The following NAALADL2 variants were observed in gnomAD, a reference collection of about 807,000 sequenced individuals.
The protein encoded by NAALADL2 is N-acetylated alpha-linked acidic dipeptidase like 2, also known as inactive N-acetylated-alpha-linked acidic dipeptidase-like protein 2.
A neutral mutation model predicts 87.2 loss-of-function variants in NAALADL2; 76 were observed. The observed-to-expected ratio is 0.87, with a 90% CI of 0.72 to 1.05. NAALADL2 has a LOEUF of 1.05. Among genes scored for constraint, NAALADL2 ranks in the 50% least tolerant of loss-of-function variants. The pLI is 0.00. For missense variants in NAALADL2, 1,089 were observed against 945.8 expected, an observed-to-expected ratio of 1.15 and a Z score of -1.99; for synonymous variants, 354 against 331.0, an observed-to-expected ratio of 1.07 and a Z score of -0.75.
intron 4 of NAALADL2, among the ~76,000 whole-genome samples, chr3:175,298,449 T>C (rs1275468067): frequency 6.6e-6 from 1 of 152,138 alleles, no homozygotes; most frequent in East Asian, 1.9e-4. Flanking sequence ...AAAGTAATAA[T>C]AACTTTCTTT....
intron 4 of NAALADL2, among the ~76,000 whole-genome samples, chr3:175,292,414 G>A (rs1350828392): frequency 6.6e-6 from 1 of 152,076 alleles, no homozygotes; most frequent in African/African-American, 2.4e-5. Context: ...TAGAAACTTG[G>A]TATGTTTGTG....
At chr3:175,435,851 C>CTTTT (rs35378819) in intron 5 of NAALADL2, among the ~76,000 whole-genome samples, 1 of 144,836 alleles carries the variant, frequency 6.9e-6, no homozygotes, top group African/African-American at 2.5e-5. Flanking sequence ...CTGTGTAGTA[C>CTTTT]TTTTTTTTTT....
At chr3:174,992,881 G>T (rs1746926767) in intron 1 of NAALADL2, among the ~76,000 whole-genome samples, 1 of 151,984 alleles carries the variant, frequency 6.6e-6, no homozygotes, top group South Asian at 2.1e-4. Flanking sequence ...GAATAACAGT[G>T]TTTTTTTAGA....
At chr3:175,648,846 G>C (rs1191795536) in intron 11 of NAALADL2, among the ~76,000 whole-genome samples, 1 of 152,088 alleles carries the variant, frequency 6.6e-6, no homozygotes, top group African/African-American at 2.4e-5. Flanking sequence ...TTTTCTATAA[G>C]AAGAAACAAA....
intron 2 of NAALADL2, among the ~76,000 whole-genome samples, chr3:175,140,139 C>T (rs551783926): frequency 6.6e-6 from 1 of 151,994 alleles, no homozygotes; most frequent in Non-Finnish European, 1.5e-5. Context: ...TGACTAAAGC[C>T]CTCCGTGCCT....
At chr3:175,174,823 TAC>T (rs971157136) in intron 2 of NAALADL2, among the ~76,000 whole-genome samples, 7 of 110,144 alleles carry the variant, frequency 6.4e-5, no homozygotes, top group Admixed American at 1.0e-4. Flanking sequence ...TATATATGTA[TAC>T]ACACACACAT....
At chr3:174,850,894 T>G (rs1432686356) in intron 3 of NAALADL2, among the ~76,000 whole-genome samples, 1 of 152,070 alleles carries the variant, frequency 6.6e-6, no homozygotes, top group African/African-American at 2.4e-5. Context: ...AAAAAAACAC[T>G]GAAATTATAT....
At chr3:174,942,258 T>C (rs1738721431) in intron 1 of NAALADL2, among the ~76,000 whole-genome samples, 1 of 152,180 alleles carries the variant, frequency 6.6e-6, no homozygotes, top group African/African-American at 2.4e-5. Flanking sequence ...TTTGCTTACC[T>C]GAAAAAAGAT....
intron 3 of NAALADL2, among the ~76,000 whole-genome samples, chr3:174,759,135 C>T (rs1325825431): frequency 5.9e-5 from 9 of 152,108 alleles, no homozygotes; most frequent in African/African-American, 2.2e-4. Context: ...TGCATTTATG[C>T]TACCAAAATT....
At chr3:175,652,768 G>GA (rs1484836172) in intron 11 of NAALADL2, among the ~76,000 whole-genome samples, 1 of 152,066 alleles carries the variant, frequency 6.6e-6, no homozygotes, top group African/African-American at 2.4e-5. Context: ...TTTTCAAAGT[G>GA]AAAATAAGAA....
chr3:175,378,366 G>A (rs545301150), intron 5 of NAALADL2, among the ~76,000 whole-genome samples: 1 of 152,348 alleles, frequency 6.6e-6, no homozygotes, highest in East Asian at 1.9e-4. Context: ...GAGTAAACTA[G>A]GCACCCTCTT....
chr3:175,270,142 TC>T (rs1157731197), intron 4 of NAALADL2, among the ~76,000 whole-genome samples: 2 of 152,180 alleles, frequency 1.3e-5, no homozygotes, highest in African/African-American at 4.8e-5. Flanking sequence ...CTTATTTGCT[TC>T]CCCCATGGGA....
chr3:175,545,630 T>C (rs974753668), intron 9 of NAALADL2, among the ~76,000 whole-genome samples: 5 of 152,144 alleles, frequency 3.3e-5, no homozygotes, highest in Non-Finnish European at 7.4e-5. Flanking sequence ...GTTAAATATT[T>C]ATTATCATGC....
intron 1 of NAALADL2, among the ~76,000 whole-genome samples, chr3:174,887,841 T>C (rs1440732510): frequency 3.3e-5 from 5 of 151,644 alleles, no homozygotes; most frequent in Non-Finnish European, 7.4e-5. Context: ...TTTTTACATG[T>C]GGATATAGTG....
intron 10 of NAALADL2, among the ~76,000 whole-genome samples, chr3:175,592,956 C>A (rs1582543701): frequency 6.6e-6 from 1 of 151,986 alleles, no homozygotes; most frequent in Non-Finnish European, 1.5e-5. Flanking sequence ...TAATTTCCTT[C>A]ATTTAACACC....
chr3:175,727,493 G>T (rs199789947), intron 11 of NAALADL2, among the ~76,000 whole-genome samples: 142 of 152,202 alleles, frequency 9.3e-4, no homozygotes, highest in Admixed American at 7.7e-3. Flanking sequence ...AATGTTTCCT[G>T]GGATTACAAC....
At chr3:175,581,718 G>A (rs557091987) in intron 10 of NAALADL2, among the ~76,000 whole-genome samples, 55 of 152,230 alleles carry the variant, frequency 3.6e-4, no homozygotes, top group African/African-American at 1.2e-3. Context: ...AAATGAGAGT[G>A]AAAAGGGCAT....
intron 1 of NAALADL2, among the ~76,000 whole-genome samples, chr3:174,872,791 C>T (rs1225226249): frequency 6.6e-6 from 1 of 152,032 alleles, no homozygotes; most frequent in Admixed American, 6.6e-5. Flanking sequence ...GATAAACATT[C>T]TGAAATTGCT....
At chr3:174,546,746 C>T (rs1460977293) in intron 1 of NAALADL2, among the ~76,000 whole-genome samples, 1 of 152,192 alleles carries the variant, frequency 6.6e-6, no homozygotes, top group Non-Finnish European at 1.5e-5. Flanking sequence ...CATCCTCGAC[C>T]TCCTAGGCTC....
Sources: gnomAD v4.1 joint callset for allele counts (sites outside exome capture counted in the v4.1 genomes callset) on GRCh38, gnomAD v4.1.1 for gene constraint, MANE v1.5 for transcripts, NCBI Gene and HGNC (gene_info 2026-07-23, HGNC 2026-07-21) for gene names.